The following PCSK6 variants were observed in gnomAD, a reference collection of about 807,000 sequenced individuals.
The protein encoded by PCSK6 is paired basic amino acid cleaving enzyme 4.
Under a neutral mutation model 123.3 loss-of-function variants are expected in PCSK6, and 85 were observed. The observed-to-expected ratio is 0.69, with a 90% CI of 0.58 to 0.83. The LOEUF (loss-of-function observed/expected upper bound fraction) is 0.83. PCSK6 is among the 40% of genes least tolerant of loss of function. PCSK6 has a pLI of 0.00. For synonymous variants in PCSK6, 508 were observed against 516.0 expected, an observed-to-expected ratio of 0.98 and a Z score of 0.21; for missense variants, 1,191 against 1,282.3, an observed-to-expected ratio of 0.93 and a Z score of 1.09.
chr15:101,445,388 C>CGTAA (rs2056862166), intron 1 of PCSK6, among the ~76,000 whole-genome samples: 1 of 152,196 alleles, frequency 6.6e-6, no homozygotes, highest in African/African-American at 2.4e-5. Flanking sequence ...GCGATATTTA[C>CGTAA]GTGTGAAAGA....
intron 16 of PCSK6, among the ~76,000 whole-genome samples, chr15:101,325,432 G>C (rs1026985293): frequency 7.2e-5 from 11 of 152,192 alleles, no homozygotes; most frequent in Non-Finnish European, 1.2e-4. Context: ...TTGCACTTTG[G>C]CCAGTGAGTG....
chr15:101,436,366 G>A (rs1035008126), intron 2 of PCSK6, among the ~76,000 whole-genome samples: 4 of 152,184 alleles, frequency 2.6e-5, no homozygotes, highest in Non-Finnish European at 5.9e-5. Flanking sequence ...GCAGGGCTGC[G>A]GACACCAGGT....
intron 13 of PCSK6, among the ~76,000 whole-genome samples, chr15:101,348,639 C>A (rs980039918): frequency 6.6e-6 from 1 of 152,194 alleles, no homozygotes; most frequent in Non-Finnish European, 1.5e-5. Flanking sequence ...AATCCTGAAA[C>A]CTTTGAAACT....
intron 1 of PCSK6, among the ~76,000 whole-genome samples, chr15:101,451,075 C>G (rs992218219): frequency 6.6e-6 from 1 of 151,778 alleles, no homozygotes; most frequent in Non-Finnish European, 1.5e-5. Context: ...CAGAAAGGGC[C>G]TCCCCCATCA....
intron 13 of PCSK6, among the ~76,000 whole-genome samples, chr15:101,339,930 T>A (rs1185741239): frequency 7.0e-6 from 1 of 141,968 alleles, no homozygotes; most frequent in Non-Finnish European, 1.5e-5. Context: ...TATATATATA[T>A]ATAAAATTAC....
chr15:101,452,416 G>A (rs903418433), intron 1 of PCSK6, among the ~76,000 whole-genome samples: 8 of 152,032 alleles, frequency 5.3e-5, no homozygotes, highest in East Asian at 1.9e-4. Flanking sequence ...TTGTTTTACC[G>A]GATTCCTAAA....
chr15:101,481,296 CTTGGAAGG>C (rs2057874295), intron 1 of PCSK6, among the ~76,000 whole-genome samples: 1 of 149,820 alleles, frequency 6.7e-6, no homozygotes, highest in Admixed American at 6.6e-5. Context: ...TGCAGCAGAA[CTTGGAAGG>C]CTGAGGGGCG....
rs190720510 is a variant in PCSK6, at chr15:101,353,976, G to A, written c.1858+12220C>T. ...GCTGGTAAGGCTCAGCACTTCTCGG[G>A]CACTGTTTCGTTTAATCCTCCCACC... On this transcript the variant is annotated intron_variant, in intron 13 of 21. Coordinates refer to ENST00000611716, the MANE Select transcript of PCSK6 (RefSeq NM_002570.5). 1.6e-3 allele frequency among the ~76,000 whole-genome samples: 245 copies of A among 152,324 alleles called. 3 individuals are homozygous for A. The highest frequency in any genetic ancestry group is 1.3e-3 in the Non-Finnish European group (86 of 68,032).
At chr15:101,353,140 G>A (rs1184760954) in intron 13 of PCSK6, among the ~76,000 whole-genome samples, 1 of 152,194 alleles carries the variant, frequency 6.6e-6, no homozygotes, top group African/African-American at 2.4e-5. Flanking sequence ...TCATCATAAT[G>A]TAGAATCAGT....
rs544548842 is a variant in PCSK6 at position 101,438,089 on chromosome 15, G to A, written c.402+5467C>T. Among the ~76,000 whole-genome samples the A allele has an allele frequency of 9.2e-5, 14 of 152,276 alleles. No homozygotes were observed. The East Asian group carries it at 2.1e-3, about 23-fold the overall frequency. On this transcript the variant is annotated intron_variant, in intron 2 of 21. Transcript: ENST00000611716. ...AGAAGAAACCAACCCTGCCAACGCC[G>A]TAATCTCAGTCTTCCAACCTTCCTA...
chr15:101,394,143 T>TG (rs960318871), intron 7 of PCSK6, among the ~76,000 whole-genome samples: 2 of 82,592 alleles, frequency 2.4e-5, no homozygotes, highest in African/African-American at 5.1e-5. Flanking sequence ...TTTTGTTTTT[T>TG]GTTTTTTTTT....
chr15:101,457,134 C>T (rs758127845), intron 1 of PCSK6, among the ~76,000 whole-genome samples: 3 of 151,836 alleles, frequency 2.0e-5, no homozygotes, highest in South Asian at 2.1e-4. Context: ...ATCGTGCCAC[C>T]GCACTCCAGC....
rs1263499929 is a variant in PCSK6 at position 101,388,515 on chromosome 15, CAA to C, written c.1310+947_1310+948del. 3.9e-4 allele frequency among the ~76,000 whole-genome samples: 16 copies of C among 41,556 alleles called. No individual in the cohort carries two copies. The East Asian group carries it at 4.4e-3, about 11-fold the overall frequency. The allele number at this position is 41,556 out of a possible 152,430, so 27.3% of individuals were successfully genotyped here. ...CTGAACCAACAACACATACGCAACT[CAA>C]GAGATTTCTTGACTGTTAATTTATA... On this transcript the variant is annotated intron_variant, in intron 9 of 21. Coordinates refer to ENST00000611716, the MANE Select transcript of PCSK6 (RefSeq NM_002570.5).
chr15:101,460,083 T>G (rs767187200), intron 1 of PCSK6, among the ~76,000 whole-genome samples: 22 of 151,966 alleles, frequency 1.4e-4, no homozygotes, highest in Non-Finnish European at 3.2e-4. Flanking sequence ...CACAGCCACA[T>G]GGCCACCACT....
chr15:101,406,023 A>G (rs1050902325), intron 6 of PCSK6, among the ~76,000 whole-genome samples: 3 of 152,206 alleles, frequency 2.0e-5, no homozygotes, highest in Admixed American at 2.0e-4. Context: ...GATTACAGGT[A>G]TGAACCACCG....
At chr15:101,477,008 T>C (rs1303846052) in intron 1 of PCSK6, among the ~76,000 whole-genome samples, 1 of 152,110 alleles carries the variant, frequency 6.6e-6, no homozygotes, top group African/African-American at 2.4e-5. Context: ...TCCACCTCCC[T>C]GCACGGTCCT....
chr15:101,482,451 G>A (rs1348240662), intron 1 of PCSK6, among the ~76,000 whole-genome samples: 1 of 152,222 alleles, frequency 6.6e-6, no homozygotes, highest in Non-Finnish European at 1.5e-5. Flanking sequence ...GTGAAAGGAG[G>A]AGGAGAGGTG....
At chr15:101,310,485 C>A (rs1469593138) in intron 20 of PCSK6, among the ~76,000 whole-genome samples, 1 of 152,192 alleles carries the variant, frequency 6.6e-6, no homozygotes, top group East Asian at 1.9e-4. Context: ...CCAAGTTCTC[C>A]CTGGATTGCT....
At chr15:101,387,641 C>T (rs989813134) in intron 9 of PCSK6, among the ~76,000 whole-genome samples, 1 of 40,168 alleles carries the variant, frequency 2.5e-5, no homozygotes, top group Non-Finnish European at 7.3e-5. Flanking sequence ...AACCATGGGA[C>T]TCCCTTTAGA....
Sources: gnomAD v4.1 joint callset for allele counts (sites outside exome capture counted in the v4.1 genomes callset) on GRCh38, gnomAD v4.1.1 for gene constraint, MANE v1.5 for transcripts, NCBI Gene and HGNC (gene_info 2026-07-23, HGNC 2026-07-21) for gene names.